Variants in CSF2RA observed in about 807,000 individuals in gnomAD.
CSF2RA encodes the protein granulocyte-macrophage colony-stimulating factor receptor subunit alpha.
CSF2RA carries 42 observed loss-of-function variants against 51.6 expected under a neutral mutation model. That is an observed-to-expected ratio of 0.81 (90% CI 0.64 to 1.05). The LOEUF is 1.05. Among genes scored for constraint, CSF2RA ranks in the 50% least tolerant of loss-of-function variants. CSF2RA has a pLI of 0.00. For synonymous variants in CSF2RA, 222 were observed against 193.0 expected (o/e 1.15, Z -1.24); for missense variants, 530 against 501.1 (o/e 1.06, Z -0.55).
At chrX:1,318,645 C>T in the CSF2RA span, among the ~76,000 whole-genome samples, 14 of 150,052 alleles carry the variant, frequency 9.3e-5, no homozygotes, top group African/African-American at 2.2e-4. Flanking sequence ...TGACCGGGCG[C>T]GGTGGCTCAC....
chrX:1,279,451 G>C (rs1290554347), intron 2 of CSF2RA, among the ~76,000 whole-genome samples: 6 of 151,978 alleles, frequency 3.9e-5, no homozygotes, highest in Non-Finnish European at 8.8e-5. Flanking sequence ...CAGTCTCAAG[G>C]AACAGGACTT....
intron 12 of CSF2RA, chrX:1,305,866 A>G (rs2083510804): frequency 1.4e-6 from 2 of 1,384,926 alleles, no homozygotes. Flanking sequence ...GGATCATCTG[A>G]GGTCAGAGGT....
At chrX:1,314,498 C>CAT (rs2084397000), downstream of CSF2RA, among the ~76,000 whole-genome samples, 8 of 141,534 alleles carry the variant, frequency 5.7e-5, no homozygotes, top group East Asian at 1.1e-3. Flanking sequence ...CCCCACTGTG[C>CAT]CTGCCCAACC....
At chrX:1,280,758 C>G (rs71214319) in intron 2 of CSF2RA, among the ~76,000 whole-genome samples, 9 of 149,176 alleles carry the variant, frequency 6.0e-5, no homozygotes, top group Non-Finnish European at 1.3e-4. Context: ...CCTTTTTCTT[C>G]TTCTTCCTTA....
chrX:1,295,071 C>T (rs112648196), intron 8 of CSF2RA, among the ~76,000 whole-genome samples: 1 of 67,756 alleles, frequency 1.5e-5, no homozygotes, highest in African/African-American at 5.5e-5. Flanking sequence ...ATGTCCACCT[C>T]GAGCCAGTGT....
chrX:1,287,616 G>C (rs1237980231), intron 4 of CSF2RA, among the ~76,000 whole-genome samples: 7 of 145,938 alleles, frequency 4.8e-5, no homozygotes, highest in Non-Finnish European at 1.0e-4. Context: ...GCTAATTTTT[G>C]TATTTTTAGT....
intron 1 of CSF2RA, among the ~76,000 whole-genome samples, chrX:1,274,172 A>G (rs1484093547): frequency 2.0e-5 from 3 of 152,152 alleles, no homozygotes; most frequent in South Asian, 2.1e-4. Flanking sequence ...CCTGTAAACC[A>G]AAAAAGAGGT....
chrX:1,310,080 A>G (rs754965679), downstream of CSF2RA: 1 of 330,924 alleles, frequency 3.0e-6, no homozygotes, highest in African/African-American at 2.2e-5. Context: ...CTGTAGTGCC[A>G]GCTATCTGGG....
At chrX:1,318,225 G>A in the CSF2RA span, among the ~76,000 whole-genome samples, 9,227 of 150,394 alleles carry the variant, frequency 0.061, 1,005 homozygotes, top group African/African-American at 0.22. Flanking sequence ...GTGCAATGGC[G>A]TGATCTTGGC....
At chrX:1,279,691 G>A (rs1171626567) in intron 2 of CSF2RA, among the ~76,000 whole-genome samples, 5 of 152,058 alleles carry the variant, frequency 3.3e-5, no homozygotes, top group Non-Finnish European at 5.9e-5. Flanking sequence ...GGCAGGAGAA[G>A]AAGAAACAGG....
intron 1 of CSF2RA, among the ~76,000 whole-genome samples, chrX:1,272,381 C>CAA (rs56208355): frequency 0.088 from 12,596 of 142,608 alleles, 638 homozygotes; most frequent in Admixed American, 0.17. Context: ...GATCCTGGTA[C>CAA]AAAAAAAAAA....
At chrX:1,315,457 G>A in the CSF2RA span, among the ~76,000 whole-genome samples, 2 of 152,070 alleles carry the variant, frequency 1.3e-5, no homozygotes, top group African/African-American at 4.8e-5. Flanking sequence ...AGGCTGGAGT[G>A]CAGTGGCGCG....
At chrX:1,314,260 CCCCA>C (rs2084325693), downstream of CSF2RA, among the ~76,000 whole-genome samples, 2 of 51,002 alleles carry the variant, frequency 3.9e-5, no homozygotes, top group Non-Finnish European at 8.0e-5. Context: ...ACCTGCCCAA[CCCCA>C]CTGCGCCTGC....
chrX:1,321,961 C>A, the CSF2RA span, among the ~76,000 whole-genome samples: 1 of 152,078 alleles, frequency 6.6e-6, no homozygotes, highest in East Asian at 1.9e-4. Context: ...CGTGGTGAAA[C>A]CCCTTTTCCA....
At chrX:1,281,022 CTTCTCCTCCTCCTCA>C (rs2089936479) in intron 2 of CSF2RA, among the ~76,000 whole-genome samples, 1 of 93,170 alleles carries the variant, frequency 1.1e-5, no homozygotes, top group Non-Finnish European at 2.5e-5. Flanking sequence ...CCTCCTCCTC[CTTCTCCTCCTCCTCA>C]TTCTCCTCCT....
intron 2 of CSF2RA, among the ~76,000 whole-genome samples, chrX:1,275,984 C>T (rs1383419143): frequency 6.6e-6 from 1 of 151,614 alleles, no homozygotes; most frequent in African/African-American, 2.4e-5. Context: ...TAAGCCACAG[C>T]GTCCAGCTAT....
chrX:1,313,226 C>T (rs2084260071), downstream of CSF2RA, among the ~76,000 whole-genome samples: 1 of 151,978 alleles, frequency 6.6e-6, no homozygotes, highest in Non-Finnish European at 1.5e-5. Context: ...GAGTTCAAAA[C>T]CAGCCTGGCC....
At chrX:1,295,389 A>T in intron 8 of CSF2RA, 38 bp from the exon 9 acceptor site, 1 of 1,613,296 alleles carries the variant, frequency 6.2e-7, no homozygotes, top group Non-Finnish European at 8.5e-7. Context: ...TAGAAATGGA[A>T]ACAGTGAGCC....
chrX:1,273,946 T>C (rs1315209543), intron 1 of CSF2RA, among the ~76,000 whole-genome samples: 6 of 151,804 alleles, frequency 4.0e-5, no homozygotes, highest in African/African-American at 1.5e-4. Context: ...GAGCCCTGTG[T>C]TGGGGTAAAA....
Sources: allele counts gnomAD v4.1 joint callset (sites outside exome capture counted in the v4.1 genomes callset), GRCh38; gene constraint gnomAD v4.1.1; transcripts MANE v1.5; gene names NCBI Gene and HGNC (gene_info 2026-07-23, HGNC 2026-07-21).